CFAP299: variants seen among roughly 807,000 people sequenced by gnomAD.
The protein encoded by CFAP299 is cilia and flagella associated protein 299, also known as cilia- and flagella-associated protein 299.
A neutral mutation model predicts 27.0 loss-of-function variants in CFAP299; 21 were observed. The observed-to-expected ratio is 0.78, with a 90% CI of 0.55 to 1.12. CFAP299 has a LOEUF of 1.12. CFAP299 is among the 50% of genes most tolerant of loss of function. The probability of loss-of-function intolerance (pLI) is 0.00; values close to 1 mark genes in which losing one functional copy is unlikely to be tolerated. For missense variants in CFAP299, 310 were observed against 276.6 expected (o/e 1.12, Z -0.86); for synonymous variants, 104 against 98.1 (o/e 1.06, Z -0.36).
chr4:80,325,520 G>A, the CFAP299 span, among the ~76,000 whole-genome samples: 2 of 152,084 alleles, frequency 1.3e-5, no homozygotes, highest in African/African-American at 4.8e-5. Flanking sequence ...AACTGCTGGT[G>A]GTACATAAGT....
chr4:80,327,748 TGTTG>T, the CFAP299 span, among the ~76,000 whole-genome samples: 4 of 145,576 alleles, frequency 2.7e-5, no homozygotes, highest in South Asian at 2.2e-4. Flanking sequence ...TATATATATA[TGTTG>T]AGAAAGCTAA....
intron 2 of CFAP299, among the ~76,000 whole-genome samples, chr4:80,459,707 C>G (rs1037083743): frequency 2.6e-5 from 4 of 152,134 alleles, no homozygotes; most frequent in African/African-American, 9.7e-5. Context: ...ATCAGCTCAA[C>G]CAGATTCCAC....
chr4:80,715,955 T>G (rs1427028660), intron 3 of CFAP299, among the ~76,000 whole-genome samples: 1 of 152,056 alleles, frequency 6.6e-6, no homozygotes, highest in Non-Finnish European at 1.5e-5. Flanking sequence ...AAAGCAAACT[T>G]TCAGTGTAAA....
chr4:80,916,252 AATATATATATATATAT>A lies in CFAP299; in HGVS notation c.477-28529_477-28514del, dbSNP rs10696316. Among the ~76,000 whole-genome samples, 504 of 60,950 alleles carry A rather than the reference AATATATATATATATAT, an allele frequency of 8.3e-3. 19 individuals carry two copies. Among genetic ancestry groups the A allele is most frequent in the East Asian group, 0.06 (133 of 2,208 alleles). The allele number at this position is 60,950 out of a possible 152,430, so 40.0% of individuals were successfully genotyped here. A position where few individuals can be genotyped will look rare whatever the true frequency, so the allele number is the denominator to read the frequency against. On this transcript the variant is annotated intron_variant, in intron 4 of 5. Transcript: ENST00000358105. Reference sequence around the variant, plus strand: ...ACTCTGGTCTGGGCAACTAGACTGAAATATATATATATATATATATATATATATATATATATATATA... The same window carrying A: ...ACTCTGGTCTGGGCAACTAGACTGAAATATATATATATATATATATATATA...
At chr4:80,326,772 G>A in the CFAP299 span, among the ~76,000 whole-genome samples, 7 of 152,038 alleles carry the variant, frequency 4.6e-5, no homozygotes, top group African/African-American at 1.7e-4. Flanking sequence ...ATTCCTTTGG[G>A]TAGCCTTTTT....
intron 3 of CFAP299, among the ~76,000 whole-genome samples, chr4:80,610,739 C>A (rs944197716): frequency 6.6e-6 from 1 of 151,984 alleles, no homozygotes; most frequent in Non-Finnish European, 1.5e-5. Context: ...GCAAACCCAT[C>A]GATTCTATTC....
chr4:80,327,721 T>TATATATATATATAA, the CFAP299 span, among the ~76,000 whole-genome samples: 2 of 132,720 alleles, frequency 1.5e-5, no homozygotes, highest in Admixed American at 1.5e-4. Flanking sequence ...TATATATATA[T>TATATATATATATAA]AACTTCAATA....
chr4:80,816,245 G>A (rs1729415055), intron 3 of CFAP299, among the ~76,000 whole-genome samples: 2 of 152,022 alleles, frequency 1.3e-5, no homozygotes, highest in African/African-American at 2.4e-5. Flanking sequence ...AATGGTTATG[G>A]ATGAGATTCT....
intron 2 of CFAP299, among the ~76,000 whole-genome samples, chr4:80,533,774 C>T (rs968965747): frequency 1.3e-5 from 2 of 152,046 alleles, no homozygotes; most frequent in African/African-American, 4.8e-5. Flanking sequence ...TTATTCATAA[C>T]AAAAAATACC....
chr4:80,639,328 C>T (rs1315659437), intron 3 of CFAP299, among the ~76,000 whole-genome samples: 2 of 152,162 alleles, frequency 1.3e-5, no homozygotes, highest in East Asian at 3.8e-4. Flanking sequence ...GTCCGCTCTT[C>T]ACCTCACAGA....
intron 3 of CFAP299, among the ~76,000 whole-genome samples, chr4:80,599,863 C>G (rs1475861146): frequency 1.3e-5 from 2 of 151,864 alleles, no homozygotes; most frequent in African/African-American, 4.8e-5. Flanking sequence ...TAATATGGGC[C>G]TTTAGCAATG....
intron 3 of CFAP299, among the ~76,000 whole-genome samples, chr4:80,660,929 T>A (rs567779405): frequency 9.9e-5 from 15 of 152,106 alleles, no homozygotes; most frequent in Non-Finnish European, 1.8e-4. Context: ...GTAGGTCAGA[T>A]ACAACAAAAG....
the CFAP299 span, among the ~76,000 whole-genome samples, chr4:80,327,750 T>TATAACTTCAATACATATATATATA: frequency 2.8e-5 from 4 of 144,602 alleles, no homozygotes; most frequent in Non-Finnish European, 4.5e-5. Context: ...TATATATATG[T>TATAACTTCAATACATATATATATA]TGAGAAAGCT....
At chr4:80,324,161 G>A in the CFAP299 span, among the ~76,000 whole-genome samples, 3 of 151,516 alleles carry the variant, frequency 2.0e-5, no homozygotes, top group African/African-American at 4.9e-5. Flanking sequence ...GATAGGCCCC[G>A]GTATGTGATG....
At chr4:80,733,516 A>G (rs1439567385) in intron 3 of CFAP299, among the ~76,000 whole-genome samples, 1 of 152,154 alleles carries the variant, frequency 6.6e-6, no homozygotes, top group Non-Finnish European at 1.5e-5. Flanking sequence ...ATTATTGACT[A>G]TAGTCACATA....
At chr4:80,505,859 C>A (rs966846896) in intron 2 of CFAP299, among the ~76,000 whole-genome samples, 5 of 151,662 alleles carry the variant, frequency 3.3e-5, no homozygotes, top group Non-Finnish European at 5.9e-5. Flanking sequence ...CTTGGGTGGC[C>A]GAGGCAGGAG....
chr4:80,424,945 C>T (rs145970326), intron 2 of CFAP299, among the ~76,000 whole-genome samples: 14 of 152,230 alleles, frequency 9.2e-5, no homozygotes, highest in East Asian at 1.9e-4. Flanking sequence ...ACATAGTCCA[C>T]GGATAGTGTA....
At chr4:80,519,853 C>T (rs1316367532) in intron 2 of CFAP299, among the ~76,000 whole-genome samples, 1 of 152,114 alleles carries the variant, frequency 6.6e-6, no homozygotes, top group Non-Finnish European at 1.5e-5. Flanking sequence ...CCACAAATAA[C>T]AAAAGCAAAA....
At chr4:80,455,251 A>T (rs1014017511) in intron 2 of CFAP299, among the ~76,000 whole-genome samples, 1 of 152,194 alleles carries the variant, frequency 6.6e-6, no homozygotes, top group African/African-American at 2.4e-5. Context: ...GTTAAACTAT[A>T]AACTAAGTTC....
Sources: allele counts gnomAD v4.1 joint callset (sites outside exome capture counted in the v4.1 genomes callset), GRCh38; gene constraint gnomAD v4.1.1; transcripts MANE v1.5; gene names NCBI Gene and HGNC (gene_info 2026-07-23, HGNC 2026-07-21).